The following CFAP263 variants were observed in gnomAD, a reference collection of about 807,000 sequenced individuals.
CFAP263 encodes the protein cilia and flagella associated protein 263, also known as cilia- and flagella-associated protein 263.
the CFAP263 span, among the ~76,000 whole-genome samples, chr16:58,274,497 C>A: frequency 6.6e-6 from 1 of 152,140 alleles, no homozygotes; most frequent in Admixed American, 6.5e-5. Flanking sequence ...AAAGGAGGGA[C>A]CTGGTGGAAG....
the CFAP263 span, chr16:58,254,014 G>C: frequency 1.9e-6 from 3 of 1,614,114 alleles, no homozygotes; most frequent in East Asian, 2.2e-5. Flanking sequence ...GGCAGGCGTA[G>C]ATCCAAATCC....
At chr16:58,251,871 A>C in the CFAP263 span, among the ~76,000 whole-genome samples, 1 of 152,242 alleles carries the variant, frequency 6.6e-6, no homozygotes, top group Non-Finnish European at 1.5e-5. Flanking sequence ...ACGTATGAGA[A>C]GTTAAGAAGT....
the CFAP263 span, chr16:58,252,838 A>G: frequency 6.2e-7 from 1 of 1,613,822 alleles, no homozygotes; most frequent in East Asian, 2.2e-5. Context: ...AAATATCAGC[A>G]GCAGATTATG....
the CFAP263 span, among the ~76,000 whole-genome samples, chr16:58,272,634 AT>A: frequency 6.6e-6 from 1 of 152,202 alleles, no homozygotes; most frequent in Non-Finnish European, 1.5e-5. Context: ...TAAGTGGTTC[AT>A]TGTTGACCGA....
the CFAP263 span, among the ~76,000 whole-genome samples, chr16:58,258,836 G>A: frequency 6.6e-6 from 1 of 152,042 alleles, no homozygotes; most frequent in Non-Finnish European, 1.5e-5. Context: ...AAAATTAGCT[G>A]GGCGAGGTGT....
At chr16:58,281,019 C>G in the CFAP263 span, 1,184 of 454,716 alleles carry the variant, frequency 2.6e-3, 13 homozygotes, top group African/African-American at 0.022. Flanking sequence ...ATTTTCTTGC[C>G]CCTTTCCAGT....
the CFAP263 span, among the ~76,000 whole-genome samples, chr16:58,256,124 T>C: frequency 1.2e-4 from 18 of 152,372 alleles, no homozygotes; most frequent in African/African-American, 4.3e-4. Flanking sequence ...ATCACACTCG[T>C]CTCAAGAGGG....
chr16:58,263,300 CA>C, the CFAP263 span, among the ~76,000 whole-genome samples: 16 of 152,136 alleles, frequency 1.1e-4, no homozygotes, highest in Non-Finnish European at 1.9e-4. Flanking sequence ...CCAAATGAAG[CA>C]AAATTGGTTT....
the CFAP263 span, among the ~76,000 whole-genome samples, chr16:58,266,681 C>T: frequency 1.7e-4 from 26 of 152,078 alleles, no homozygotes; most frequent in Non-Finnish European, 3.1e-4. Flanking sequence ...CCTTGGCCCA[C>T]TCCTCTGCCC....
the CFAP263 span, chr16:58,262,464 T>C: frequency 1.2e-6 from 2 of 1,613,818 alleles, no homozygotes; most frequent in Non-Finnish European, 8.5e-7. Flanking sequence ...CTTGAGACAA[T>C]TGAAGCAAGG....
chr16:58,268,550 T>G, the CFAP263 span, among the ~76,000 whole-genome samples: 1 of 152,192 alleles, frequency 6.6e-6, no homozygotes, highest in Non-Finnish European at 1.5e-5. Context: ...TGATTATTAG[T>G]GTCATTGTCT....
At chr16:58,258,476 G>T in the CFAP263 span, 102 of 1,614,064 alleles carry the variant, frequency 6.3e-5, 2 homozygotes, top group African/African-American at 1.0e-3. Flanking sequence ...GAGTATTTTG[G>T]CCACTCAGAA....
the CFAP263 span, among the ~76,000 whole-genome samples, chr16:58,264,081 A>G: frequency 1.3e-5 from 2 of 152,328 alleles, no homozygotes; most frequent in South Asian, 2.1e-4. Context: ...GTAGAAAACA[A>G]TGTGCTGGCA....
At chr16:58,260,825 C>G in the CFAP263 span, among the ~76,000 whole-genome samples, 1 of 152,132 alleles carries the variant, frequency 6.6e-6, no homozygotes, top group African/African-American at 2.4e-5. Flanking sequence ...CCTCACCAAG[C>G]TGGGACAGAT....
chr16:58,254,110 A>G, the CFAP263 span: 1 of 1,614,222 alleles, frequency 6.2e-7, no homozygotes. Context: ...ATGAAGGATG[A>G]CTTACGACAC....
At chr16:58,280,993 T>A in the CFAP263 span, 2 of 501,634 alleles carry the variant, frequency 4.0e-6, no homozygotes, top group Non-Finnish European at 7.0e-6. Context: ...GCCTATAGCT[T>A]CCTGGTTCAT....
At chr16:58,258,026 C>T in the CFAP263 span, among the ~76,000 whole-genome samples, 3 of 149,480 alleles carry the variant, frequency 2.0e-5, no homozygotes, top group Non-Finnish European at 3.0e-5. Flanking sequence ...GAGAATTGCT[C>T]GAACCGAGGA....
the CFAP263 span, among the ~76,000 whole-genome samples, chr16:58,269,792 A>G: frequency 2.6e-5 from 4 of 152,208 alleles, no homozygotes; most frequent in South Asian, 8.3e-4. Context: ...ACATTCTGGT[A>G]CAAGTTTTTC....
chr16:58,269,578 A>G, the CFAP263 span, among the ~76,000 whole-genome samples: 1 of 152,182 alleles, frequency 6.6e-6, no homozygotes, highest in African/African-American at 2.4e-5. Flanking sequence ...TTTAAAAGAG[A>G]TTATACAATA....
Sources: gnomAD v4.1 joint callset for allele counts (sites outside exome capture counted in the v4.1 genomes callset) on GRCh38, gnomAD v4.1.1 for gene constraint, MANE v1.5 for transcripts, NCBI Gene and HGNC (gene_info 2026-07-23, HGNC 2026-07-21) for gene names.